PRR11: variants seen among roughly 807,000 people sequenced by gnomAD.
The protein encoded by PRR11 is proline rich 11.
In PRR11, 30 loss-of-function variants were observed where a neutral mutation model predicts 45.6. The observed-to-expected ratio is 0.66, with a 90% CI of 0.49 to 0.89. The LOEUF is 0.89. PRR11 is among the 40% of genes least tolerant of loss of function. The pLI is 0.00. For missense variants in PRR11, 373 were observed against 424.8 expected, an observed-to-expected ratio of 0.88 and a Z score of 1.07; for synonymous variants, 128 against 153.5, an observed-to-expected ratio of 0.83 and a Z score of 1.23.
In PRR11 at chr17:59,204,395, CAAA is replaced by C. The variant is rs71367677; in HGVS notation, c.*2786_*2788del. 10 of 48,868 alleles carry C rather than the reference CAAA, an allele frequency of 2.0e-4. No homozygotes were observed. The highest frequency in any genetic ancestry group is 8.8e-4 in the South Asian group (1 of 1,134). The allele number at this position is 48,868 out of a possible 1,614,324, so 3.0% of individuals were successfully genotyped here. ...TGGGCAACAGAGCCAGACCCTGCCT[CAAA>C]AAAAAAAAAAAAAAAAAAAAAGGCC... On this transcript the variant is annotated 3_prime_UTR_variant, in exon 10 of 10. Transcript: ENST00000262293.
chr17:59,200,180 T>C (rs2147857585), intron 9 of PRR11, among the ~76,000 whole-genome samples: 1 of 152,342 alleles, frequency 6.6e-6, no homozygotes, highest in African/African-American at 2.4e-5. Context: ...AAATTGTTGT[T>C]AGATATAGAT....
intron 1 of PRR11, among the ~76,000 whole-genome samples, chr17:59,162,245 CACACAGAG>C (rs1271227116): frequency 2.7e-5 from 4 of 147,206 alleles, no homozygotes; most frequent in African/African-American, 1.1e-4. Context: ...CACACACACA[CACACAGAG>C]AGAGAGAGAG....
chr17:59,191,827 G>A (rs2046841810), intron 4 of PRR11, among the ~76,000 whole-genome samples: 1 of 152,150 alleles, frequency 6.6e-6, no homozygotes, highest in African/African-American at 2.4e-5. Flanking sequence ...TTGGTCTGGA[G>A]AGAAGCTTCT....
intron 7 of PRR11, among the ~76,000 whole-genome samples, chr17:59,196,283 A>G (rs756397321): frequency 1.3e-5 from 2 of 152,184 alleles, no homozygotes; most frequent in Non-Finnish European, 2.9e-5. Context: ...ACACAGACAG[A>G]TACACACATA....
chr17:59,194,305 A>AC lies in PRR11; in HGVS notation c.646-452_646-451insC, dbSNP rs764211578. On this transcript the variant is annotated intron_variant, in intron 5 of 9. Transcript: ENST00000262293. ...CACACACACACACACACACACACAC[A>AC]AAACAAAACCTGGAGCCTATTGTTA... Among the ~76,000 whole-genome samples, 9 of 149,730 alleles carry AC rather than the reference A, an allele frequency of 6.0e-5. 1 individual carries two copies. The South Asian group carries it at 1.1e-3, about 18-fold the overall frequency.
chr17:59,194,762 A>G lies in PRR11; in HGVS notation c.651A>G (p.Gly217=). ...ACCTTACCATGTATTTTAAGGCTGG[A>G]CCATTAAAAAAAGATGGACCCATGC... The part of the protein sequence containing the change: ...KPSLAKALQA[G]PLKKDGPMQI... The change falls in exon 6 of 10, where the codon GGA becomes GGG. Residue 217 remains glycine (G), a synonymous_variant. Transcript: ENST00000262293. 2 of 1,611,686 alleles carry G rather than the reference A, an allele frequency of 1.2e-6. No individual in the cohort carries two copies. The highest frequency in any genetic ancestry group is 1.1e-5 in the South Asian group (1 of 90,716).
chr17:59,192,492 G>C (rs1043128272), intron 4 of PRR11, among the ~76,000 whole-genome samples: 2 of 152,146 alleles, frequency 1.3e-5, no homozygotes, highest in African/African-American at 4.8e-5. Context: ...CCACAGGCTG[G>C]GTGGCTTATA....
intron 2 of PRR11, among the ~76,000 whole-genome samples, chr17:59,173,789 C>T (rs2005126): frequency 0.09 from 13,750 of 152,216 alleles, 848 homozygotes; most frequent in South Asian, 0.23. Context: ...TATTCAGCTC[C>T]GTCTAGAACA....
intron 2 of PRR11, among the ~76,000 whole-genome samples, chr17:59,175,374 C>G (rs1339181044): frequency 6.6e-6 from 1 of 152,214 alleles, no homozygotes; most frequent in African/African-American, 2.4e-5. Flanking sequence ...CCTGGAATCC[C>G]AGCACATTGG....
chr17:59,167,902 A>G (rs538067718), intron 1 of PRR11, among the ~76,000 whole-genome samples: 1 of 152,220 alleles, frequency 6.6e-6, no homozygotes, highest in South Asian at 2.1e-4. Context: ...TGAGGCCTGT[A>G]TCTTGTGCCA....
chr17:59,174,571 G>A (rs2046731738), intron 2 of PRR11, among the ~76,000 whole-genome samples: 1 of 152,150 alleles, frequency 6.6e-6, no homozygotes, highest in South Asian at 2.1e-4. Context: ...AACCTCCCAG[G>A]CTCCAGTGAT....
chr17:59,164,747 C>T (rs1310393210), intron 1 of PRR11, among the ~76,000 whole-genome samples: 7 of 151,798 alleles, frequency 4.6e-5, no homozygotes, highest in African/African-American at 1.2e-4. Context: ...GGCATGGTGG[C>T]GCGCGCCTGT....
At chr17:59,199,947 C>T (rs899757255) in intron 9 of PRR11, among the ~76,000 whole-genome samples, 5 of 152,178 alleles carry the variant, frequency 3.3e-5, no homozygotes, top group Admixed American at 6.6e-5. Flanking sequence ...AGCAAAGGGA[C>T]GAGGCCTCAC....
intron 2 of PRR11, among the ~76,000 whole-genome samples, chr17:59,175,812 G>A (rs931617191): frequency 2.6e-5 from 4 of 152,174 alleles, no homozygotes. Flanking sequence ...GGAGGCTGAG[G>A]TGGGAGGATC....
At chr17:59,186,163 C>T (rs1448670079) in intron 4 of PRR11, among the ~76,000 whole-genome samples, 1 of 152,010 alleles carries the variant, frequency 6.6e-6, no homozygotes, top group Non-Finnish European at 1.5e-5. Flanking sequence ...CACTATGTTG[C>T]CCAGCCTAGA....
In PRR11 at chr17:59,204,268, T is replaced by C. The variant is rs2333462; in HGVS notation, c.*2637T>C. On this transcript the variant is annotated 3_prime_UTR_variant, in exon 10 of 10. Coordinates refer to ENST00000262293, the MANE Select transcript of PRR11 (RefSeq NM_018304.4). Reference sequence around the variant, plus strand: ...AAAATTAGCCAGGTGTGATGTTGTGTGCCTGTAGTCCCAGCTACTTGTGAG... The same window carrying C: ...AAAATTAGCCAGGTGTGATGTTGTGCGCCTGTAGTCCCAGCTACTTGTGAG... The C allele has an allele frequency of 0.44, 67,251 of 151,264 alleles. 17,136 individuals are homozygous for C. The highest frequency in any genetic ancestry group is 0.71 in the African/African-American group (29,209 of 41,178). The allele number at this position is 151,264 out of a possible 1,614,324, so 9.4% of individuals were successfully genotyped here. A position where few individuals can be genotyped will look rare whatever the true frequency, so the allele number is the denominator to read the frequency against.
chr17:59,171,212 G>C (rs886487180), intron 2 of PRR11, among the ~76,000 whole-genome samples: 2 of 151,618 alleles, frequency 1.3e-5, no homozygotes, highest in African/African-American at 4.8e-5. Context: ...GCAGTGAGCC[G>C]AGACAGTGCC....
rs1256885918 is a variant in PRR11, at chr17:59,197,601, G to A, written c.915G>A (p.Glu305=). 1 of 1,613,364 alleles carries A rather than the reference G, an allele frequency of 6.2e-7. No homozygotes were observed. The highest frequency in any genetic ancestry group is 8.5e-7 in the Non-Finnish European group (1 of 1,179,422). ...LRKLLRKVDV[E]RSPGGTPLTN... is the part of the protein sequence containing the mutation. ...AACTGCTTAGAAAAGTCGATGTAGA[G>A]AGGTAATACACTCTCATATCTTTAT... The change falls in exon 8 of 10, where the codon GAG becomes GAA. Residue 305 remains glutamate, a splice_region_variant and synonymous_variant. Transcript: ENST00000262293.
chr17:59,196,676 T>G (rs2046867507), intron 7 of PRR11, among the ~76,000 whole-genome samples: 1 of 151,834 alleles, frequency 6.6e-6, no homozygotes, highest in Non-Finnish European at 1.5e-5. Context: ...TGCGCCTGAC[T>G]TAGGTTATGA....
Sources: allele counts gnomAD v4.1 joint callset (sites outside exome capture counted in the v4.1 genomes callset), GRCh38; gene constraint gnomAD v4.1.1; transcripts MANE v1.5; gene names NCBI Gene and HGNC (gene_info 2026-07-23, HGNC 2026-07-21).